The following CD302 variants were observed in gnomAD, a reference collection of about 807,000 sequenced individuals.
The protein encoded by CD302 is CD302 antigen.
A neutral mutation model predicts 26.5 loss-of-function variants in CD302; 23 were observed. The observed-to-expected ratio is 0.87, with a 90% CI of 0.62 to 1.23. The LOEUF is 1.23. CD302 is among the 50% of genes most tolerant of loss of function. CD302 has a pLI of 0.00. For missense variants in CD302, 290 were observed against 275.5 expected (o/e 1.05, Z -0.37); for synonymous variants, 90 against 99.4 (o/e 0.91, Z 0.56).
rs10710620 is a variant in CD302 at position 159,779,230 on chromosome 2, C to CAAAAAA, written c.469+769_469+774dup. 6.5e-4 allele frequency among the ~76,000 whole-genome samples: 31 copies of CAAAAAA among 47,784 alleles called. 6 individuals are homozygous for CAAAAAA. The highest frequency in any genetic ancestry group is 2.3e-3 in the African/African-American group (22 of 9,692). The allele number at this position is 47,784 out of a possible 152,430, so 31.3% of individuals were successfully genotyped here. On this transcript the variant is annotated intron_variant, in intron 4 of 5. Coordinates refer to ENST00000259053, the MANE Select transcript of CD302 (RefSeq NM_014880.5). Reference sequence around the variant, plus strand: ...TGGGCGACAGAGAGAGACTGCATCGCAAAAAAAAAAAAAAAAAAAAAAAAA... The same window carrying CAAAAAA: ...TGGGCGACAGAGAGAGACTGCATCGCAAAAAAAAAAAAAAAAAAAAAAAAAAAAAAA...
rs141870759 is a variant in CD302, at chr2:159,769,862, G to A, written c.*1989C>T. On this transcript the variant is annotated 3_prime_UTR_variant, in exon 6 of 6. Transcript: ENST00000259053. ...CAATAAAACTTCCTATAATGAAAATGTTCTATAATGTATGTTGCCCAGTAC... is the reference window on the plus strand; with the variant it reads ...CAATAAAACTTCCTATAATGAAAATATTCTATAATGTATGTTGCCCAGTAC... 1.6e-4 allele frequency: 24 copies of A among 152,306 alleles called. No homozygotes were observed. The highest frequency in any genetic ancestry group is 5.5e-4 in the African/African-American group (23 of 41,572). 9.4% of individuals were successfully genotyped at this position (152,306 alleles called of 1,614,324 possible). A position where few individuals can be genotyped will look rare whatever the true frequency, so the allele number is the denominator to read the frequency against.
At chr2:159,787,976 G>A (rs938233877) in intron 1 of CD302, among the ~76,000 whole-genome samples, 10 of 152,032 alleles carry the variant, frequency 6.6e-5, no homozygotes, top group South Asian at 2.1e-4. Context: ...GTGTGGTGGC[G>A]GGTGCCTGTA....
At chr2:159,788,277 C>T (rs983994144) in intron 1 of CD302, among the ~76,000 whole-genome samples, 1 of 152,082 alleles carries the variant, frequency 6.6e-6, no homozygotes, top group Admixed American at 6.5e-5. Context: ...GGCAGGGTTC[C>T]CATGAGGTTA....
At position 159,783,000 on chromosome 2, in the gene CD302, A is replaced by AT. The variant is rs534905318; in HGVS notation, c.178+358_178+359insA. 5.6e-3 allele frequency among the ~76,000 whole-genome samples: 854 copies of AT among 152,352 alleles called. 8 individuals are homozygous for AT. The highest frequency in any genetic ancestry group is 0.02 in the African/African-American group (818 of 41,582). On this transcript the variant is annotated intron_variant, in intron 2 of 5. Transcript: ENST00000259053. ...AATTATTTCCTGTGTAAGCTTGAAC[A>AT]AATAACTGAAGTTAATTTCATCTCT...
rs1487812446 is a variant in CD302 at position 159,771,238 on chromosome 2, C to G, written c.*613G>C. The G allele has an allele frequency of 6.5e-6, 1 of 152,686 alleles. No individual in the cohort carries two copies. Among genetic ancestry groups the G allele is most frequent in the Non-Finnish European group, 1.5e-5 (1 of 68,466 alleles). 9.5% of individuals were successfully genotyped at this position (152,686 alleles called of 1,614,324 possible). ...CCAGCTTTCTCTATGCCATCCTGGACACAGCGATCATATTTTGTTTCAAAT... is the reference window on the plus strand; with the variant it reads ...CCAGCTTTCTCTATGCCATCCTGGAGACAGCGATCATATTTTGTTTCAAAT... On this transcript the variant is annotated 3_prime_UTR_variant, in exon 6 of 6. Transcript: ENST00000259053.
chr2:159,796,595 C>T (rs1218025801), intron 1 of CD302, among the ~76,000 whole-genome samples: 7 of 152,164 alleles, frequency 4.6e-5, no homozygotes, highest in Admixed American at 1.3e-4. Context: ...CCAAATTAAT[C>T]CTTAAAGCTT....
intron 1 of CD302, among the ~76,000 whole-genome samples, chr2:159,787,757 A>G (rs1708705358): frequency 6.6e-6 from 1 of 152,290 alleles, no homozygotes; most frequent in Admixed American, 6.5e-5. Flanking sequence ...ATTTGCCTAA[A>G]GAAATCTCTT....
At position 159,770,445 on chromosome 2, in the gene CD302, G is replaced by A. The variant is rs1292161937; in HGVS notation, c.*1406C>T. 6.6e-6 allele frequency: 1 copy of A among 151,946 alleles called. No individual in the cohort carries two copies. The highest frequency in any genetic ancestry group is 1.9e-4 in the East Asian group (1 of 5,176). 9.4% of individuals were successfully genotyped at this position (151,946 alleles called of 1,614,324 possible). On this transcript the variant is annotated 3_prime_UTR_variant, in exon 6 of 6. Transcript: ENST00000259053. ...TGTGATGAGTGTTTTCGATTCATGT[G>A]GTCAATAAAAAGAGACTACACAAGC...
chr2:159,797,638 C>T (rs1176241874), intron 1 of CD302, among the ~76,000 whole-genome samples: 3 of 152,150 alleles, frequency 2.0e-5, no homozygotes, highest in African/African-American at 7.2e-5. Flanking sequence ...ACTTGAACAC[C>T]AACCAACTAG....
chr2:159,773,057 C>G (rs1277310155), intron 5 of CD302, among the ~76,000 whole-genome samples: 1 of 152,170 alleles, frequency 6.6e-6, no homozygotes, highest in Non-Finnish European at 1.5e-5. Context: ...ATTCCGTAAA[C>G]TGAGTTCAAA....
At chr2:159,789,401 C>A (rs1708749359) in intron 1 of CD302, among the ~76,000 whole-genome samples, 1 of 151,978 alleles carries the variant, frequency 6.6e-6, no homozygotes, top group African/African-American at 2.4e-5. Flanking sequence ...TTTAAAATTT[C>A]AATTTGATTA....
intron 1 of CD302, 36 bp from the exon 2 acceptor site, chr2:159,783,505 T>G (rs879650906): frequency 2.1e-5 from 31 of 1,503,026 alleles, no homozygotes; most frequent in Non-Finnish European, 2.3e-5. Context: ...TTAAATAACT[T>G]GAGAAAAAGA....
At chr2:159,782,183 A>C (rs1295307538) in intron 2 of CD302, among the ~76,000 whole-genome samples, 1 of 151,810 alleles carries the variant, frequency 6.6e-6, no homozygotes, top group Non-Finnish European at 1.5e-5. Flanking sequence ...CAGGAGAATC[A>C]CTTGATCCTG....
At chr2:159,791,048 T>C (rs765950503) in intron 1 of CD302, among the ~76,000 whole-genome samples, 35 of 152,190 alleles carry the variant, frequency 2.3e-4, no homozygotes, top group Non-Finnish European at 4.7e-4. Context: ...AAACACTGAT[T>C]AAGGTATATT....
At chr2:159,777,176 A>G (rs1011950997) in intron 5 of CD302, among the ~76,000 whole-genome samples, 1 of 152,240 alleles carries the variant, frequency 6.6e-6, no homozygotes, top group Non-Finnish European at 1.5e-5. Flanking sequence ...GCTTGAGCCC[A>G]GGAGGTCAAG....
At chr2:159,792,759 G>T (rs1708842632) in intron 1 of CD302, among the ~76,000 whole-genome samples, 2 of 151,938 alleles carry the variant, frequency 1.3e-5, no homozygotes, top group South Asian at 4.2e-4. Context: ...TTTTAACAGG[G>T]TATGTATAGA....
At position 159,769,349 on chromosome 2, in the gene CD302, A is replaced by T. The variant is rs1044176597; in HGVS notation, c.*2502T>A. On this transcript the variant is annotated 3_prime_UTR_variant, in exon 6 of 6. Transcript: ENST00000259053. ...CTGTTATAGATGTTCTGGTATATAA[A>T]GAAAAAATGTAGGCCAAGTGTGGTG... The T allele has an allele frequency of 2.6e-5, 4 of 152,242 alleles. No individual in the cohort carries two copies. The highest frequency in any genetic ancestry group is 9.7e-5 in the African/African-American group (4 of 41,450). The allele number at this position is 152,242 out of a possible 1,614,324, so 9.4% of individuals were successfully genotyped here.
intron 3 of CD302, among the ~76,000 whole-genome samples, chr2:159,780,545 AAT>A (rs559817677): frequency 4.6e-5 from 7 of 152,194 alleles, no homozygotes; most frequent in Admixed American, 6.5e-5. Flanking sequence ...AGTAATGATA[AAT>A]ATGTTTATAT....
In CD302 at chr2:159,777,981, A is replaced by G; in HGVS notation, c.470-17T>C. The G allele has an allele frequency of 1.1e-6, 1 of 919,086 alleles. No homozygotes were observed. 56.9% of individuals were successfully genotyped at this position (919,086 alleles called of 1,614,324 possible). On this transcript the variant is annotated splice_polypyrimidine_tract_variant and intron_variant, in intron 4 of 5. Coordinates refer to ENST00000259053, the MANE Select transcript of CD302 (RefSeq NM_014880.5). The stretch of plus-strand genomic sequence containing the variant: ...TGTATGGGACTAAAATACAAAAGAA[A>G]ATAAAAATTAGAATTTAATTATGCT...
Sources: allele counts gnomAD v4.1 joint callset (sites outside exome capture counted in the v4.1 genomes callset), GRCh38; gene constraint gnomAD v4.1.1; transcripts MANE v1.5; gene names NCBI Gene and HGNC (gene_info 2026-07-23, HGNC 2026-07-21).